MAP3K2: variants seen among roughly 807,000 people sequenced by gnomAD.
MAP3K2 encodes the protein MAP/ERK kinase kinase 2.
In MAP3K2, 24 loss-of-function variants were observed where a neutral mutation model predicts 80.3. The observed-to-expected ratio is 0.30, with a 90% CI of 0.22 to 0.42. The LOEUF (loss-of-function observed/expected upper bound fraction) is 0.42, where lower values mean the gene tolerates loss of function less well. Among genes scored for constraint, MAP3K2 ranks in the 10% least tolerant of loss-of-function variants. The probability of loss-of-function intolerance (pLI) is 1.00; values close to 1 mark genes in which losing one functional copy is unlikely to be tolerated. For missense variants in MAP3K2, 608 were observed against 750.1 expected (o/e 0.81, Z 2.21); for synonymous variants, 244 against 253.7 (o/e 0.96, Z 0.36).
intron 2 of MAP3K2, among the ~76,000 whole-genome samples, chr2:127,341,949 T>C (rs1393334534): frequency 1.3e-5 from 2 of 152,174 alleles, no homozygotes; most frequent in African/African-American, 4.8e-5. Context: ...ATACCTTATA[T>C]GCTTATTCAT....
At chr2:127,333,278 A>T (rs1452567364) in intron 5 of MAP3K2, among the ~76,000 whole-genome samples, 4 of 39,770 alleles carry the variant, frequency 1.0e-4, no homozygotes, top group Non-Finnish European at 1.8e-4. Flanking sequence ...AACCCTCATA[A>T]CACACACACA....
Position 127,302,224 on chromosome 2 carries a change from C to A in MAP3K2, c.*5355G>T, listed in dbSNP as rs1685606627. On this transcript the variant is annotated 3_prime_UTR_variant, in exon 17 of 17. Coordinates refer to ENST00000682094, the MANE Select transcript of MAP3K2 (RefSeq NM_001371910.2). ...TTGAATTTTAATCTACCTTTAGCAA[C>A]CAAGAGTATGGCAATTTACAATCAA... 6.6e-6 allele frequency: 1 copy of A among 152,088 alleles called. No homozygotes were observed. Among genetic ancestry groups the A allele is most frequent in the Admixed American group, 6.6e-5 (1 of 15,258 alleles). 9.4% of individuals were successfully genotyped at this position (152,088 alleles called of 1,614,324 possible).
intron 1 of MAP3K2, among the ~76,000 whole-genome samples, chr2:127,365,823 C>T (rs937937562): frequency 1.3e-5 from 2 of 152,252 alleles, no homozygotes; most frequent in African/African-American, 4.8e-5. Flanking sequence ...CCTACAGACT[C>T]TGACTTCTGG....
At chr2:127,327,951 T>C (rs1048231015) in intron 7 of MAP3K2, among the ~76,000 whole-genome samples, 2 of 152,246 alleles carry the variant, frequency 1.3e-5, no homozygotes, top group African/African-American at 4.8e-5. Context: ...ATTTAACTAG[T>C]ACATTTAGCT....
At chr2:127,365,642 G>A (rs145241692) in intron 1 of MAP3K2, among the ~76,000 whole-genome samples, 13 of 152,268 alleles carry the variant, frequency 8.5e-5, no homozygotes, top group Non-Finnish European at 5.9e-5. Flanking sequence ...GACCACAAAA[G>A]AGGCAGCTAC....
intron 1 of MAP3K2, among the ~76,000 whole-genome samples, chr2:127,363,802 A>G (rs1686928867): frequency 6.6e-6 from 1 of 152,160 alleles, no homozygotes; most frequent in African/African-American, 2.4e-5. Flanking sequence ...GACTACAGGC[A>G]CACACCACCA....
At chr2:127,385,068 G>A (rs1386220382) in intron 1 of MAP3K2, among the ~76,000 whole-genome samples, 2 of 151,310 alleles carry the variant, frequency 1.3e-5, no homozygotes, top group Non-Finnish European at 3.0e-5. Flanking sequence ...GATGATAGGT[G>A]ATAAGCAATT....
chr2:127,387,580 G>A lies in MAP3K2; in HGVS notation c.-194C>T. 2 of 985,010 alleles carry A rather than the reference G, an allele frequency of 2.0e-6. No homozygotes were observed. Among genetic ancestry groups the A allele is most frequent in the Non-Finnish European group, 2.4e-6 (2 of 829,764 alleles). 61.0% of individuals were successfully genotyped at this position (985,010 alleles called of 1,614,324 possible). ...CGGGGGCTGCCGCAGGGCCCCCGGG[G>A]ACCGGAGGGGCGCGCGAGGAGTCGG... On this transcript the variant is annotated 5_prime_UTR_variant, in exon 1 of 17. Coordinates refer to ENST00000682094, the MANE Select transcript of MAP3K2 (RefSeq NM_001371910.2).
intron 12 of MAP3K2, among the ~76,000 whole-genome samples, chr2:127,319,650 C>CAAAA (rs57472022): frequency 1.1e-3 from 78 of 71,828 alleles, no homozygotes; most frequent in African/African-American, 1.8e-3. Flanking sequence ...ACTAAAAATA[C>CAAAA]AAAAAAAAAA....
At chr2:127,375,321 G>A (rs1304549702) in intron 1 of MAP3K2, among the ~76,000 whole-genome samples, 1 of 152,132 alleles carries the variant, frequency 6.6e-6, no homozygotes, top group East Asian at 1.9e-4. Flanking sequence ...AAGAAGACAA[G>A]TCAGAAGACT....
intron 1 of MAP3K2, among the ~76,000 whole-genome samples, chr2:127,383,849 T>C (rs1452394591): frequency 2.0e-5 from 3 of 150,524 alleles, no homozygotes; most frequent in Non-Finnish European, 4.4e-5. Context: ...CAGATGTTCT[T>C]CTAGCATTTT....
intron 7 of MAP3K2, 64 bp downstream of exon 7, chr2:127,329,857 C>T (rs1225408907): frequency 1.1e-6 from 1 of 901,790 alleles, no homozygotes; most frequent in Non-Finnish European, 1.8e-6. Context: ...TGCCACACTA[C>T]ATTAAAGGAT....
chr2:127,338,948 G>A lies in MAP3K2; in HGVS notation c.107C>T (p.Ser36Leu), dbSNP rs1461066116. Residue 36 changes from serine to leucine, a missense_variant, in exon 3 of 17, where the codon TCA becomes TTA. Coordinates refer to ENST00000682094, the MANE Select transcript of MAP3K2 (RefSeq NM_001371910.2). ...AATAAATACCTGTTTTTTTGGTGAT[G>A]AAGATTTTGCTTTTCTGGTTTCCTG... ...SLQETRKAKSSSPKKQNDVRV... is the reference protein window; with the variant it reads ...SLQETRKAKSLSPKKQNDVRV... 2 of 1,606,190 alleles carry A rather than the reference G, an allele frequency of 1.2e-6. No homozygotes were observed. The highest frequency in any genetic ancestry group is 2.2e-5 in the East Asian group (1 of 44,728).
At chr2:127,338,113 C>T (rs1485732886) in intron 3 of MAP3K2, among the ~76,000 whole-genome samples, 2 of 152,102 alleles carry the variant, frequency 1.3e-5, no homozygotes, top group Non-Finnish European at 2.9e-5. Context: ...AAACTAATTT[C>T]ATTTATCAGA....
At chr2:127,360,628 C>T (rs1276253838) in intron 1 of MAP3K2, among the ~76,000 whole-genome samples, 1 of 152,122 alleles carries the variant, frequency 6.6e-6, no homozygotes, top group Non-Finnish European at 1.5e-5. Flanking sequence ...TTCTTTAATG[C>T]TACTAGCTCT....
At chr2:127,338,596 G>C (rs893304723) in intron 3 of MAP3K2, among the ~76,000 whole-genome samples, 2 of 152,076 alleles carry the variant, frequency 1.3e-5, no homozygotes, top group African/African-American at 4.8e-5. Flanking sequence ...TTGGTTTTCT[G>C]TTCCTGCATT....
chr2:127,307,383 A>G lies in MAP3K2; in HGVS notation c.*196T>C. 2.8e-6 allele frequency: 1 copy of G among 359,936 alleles called. No homozygotes were observed. The allele number at this position is 359,936 out of a possible 1,614,324, so 22.3% of individuals were successfully genotyped here. A position where few individuals can be genotyped will look rare whatever the true frequency, so the allele number is the denominator to read the frequency against. On this transcript the variant is annotated 3_prime_UTR_variant, in exon 17 of 17. Coordinates refer to ENST00000682094, the MANE Select transcript of MAP3K2 (RefSeq NM_001371910.2). The surrounding 1 kb of genome is among the most constrained non-coding windows in gnomAD (Gnocchi z 5.4). ...AAAAAACTTCAAGTTCTTGTAAGGG[A>G]AAAAAAGATTAAATATAAAAAATTT...
At chr2:127,382,260 A>G (rs72848625) in intron 1 of MAP3K2, among the ~76,000 whole-genome samples, 5,163 of 152,314 alleles carry the variant, frequency 0.034, 126 homozygotes, top group Middle Eastern at 0.071. Flanking sequence ...TAACTTTAGG[A>G]GATGCATGTG....
upstream of MAP3K2, chr2:127,388,014 G>A (rs1181005901): frequency 1.4e-5 from 14 of 983,200 alleles, no homozygotes; most frequent in Non-Finnish European, 1.7e-5. Context: ...CCGCTCGCTC[G>A]TGCGCGCGCA....
Sources: gnomAD v4.1 joint callset for allele counts (sites outside exome capture counted in the v4.1 genomes callset) on GRCh38, gnomAD v4.1.1 for gene constraint, Gnocchi (gnomAD v3.1) non-coding constraint, MANE v1.5 for transcripts, NCBI Gene and HGNC (gene_info 2026-07-23, HGNC 2026-07-21) for gene names.